SMYD3: variants seen among roughly 807,000 people sequenced by gnomAD.
SMYD3 encodes the protein histone-lysine N-methyltransferase SMYD3.
Under a neutral mutation model 57.7 loss-of-function variants are expected in SMYD3, and 36 were observed. That is an observed-to-expected ratio of 0.62 (90% confidence interval 0.48 to 0.82). The LOEUF is 0.82. SMYD3 is among the 40% of genes least tolerant of loss of function. The pLI, the probability that SMYD3 is intolerant of heterozygous loss-of-function variation, is 0.00. For missense variants in SMYD3, 515 were observed against 538.8 expected, an observed-to-expected ratio of 0.96 and a Z score of 0.44; for synonymous variants, 211 against 195.0, an observed-to-expected ratio of 1.08 and a Z score of -0.68.
At chr1:245,929,563 A>T (rs1000226847) in intron 6 of SMYD3, among the ~76,000 whole-genome samples, 1 of 152,188 alleles carries the variant, frequency 6.6e-6, no homozygotes, top group African/African-American at 2.4e-5. Context: ...CTGGGGAATA[A>T]CCAAAAATCA....
intron 5 of SMYD3, among the ~76,000 whole-genome samples, chr1:246,045,122 A>C (rs1448263870): frequency 1.3e-5 from 2 of 152,216 alleles, no homozygotes; most frequent in African/African-American, 4.8e-5. Context: ...ACAGAATTGG[A>C]AAAAACTACT....
intron 10 of SMYD3, among the ~76,000 whole-genome samples, chr1:245,768,868 A>G (rs745317954): frequency 1.3e-5 from 2 of 151,892 alleles, no homozygotes; most frequent in Non-Finnish European, 2.9e-5. Flanking sequence ...CATGACTTGA[A>G]CTTCCCAGCC....
At chr1:246,422,099 C>A (rs1344420618) in intron 1 of SMYD3, among the ~76,000 whole-genome samples, 1 of 152,046 alleles carries the variant, frequency 6.6e-6, no homozygotes, top group East Asian at 1.9e-4. Flanking sequence ...CATGGAATAC[C>A]GGAGACAGAA....
intron 10 of SMYD3, among the ~76,000 whole-genome samples, chr1:245,797,828 C>CAAAAAAAAAAAAAAAAAAAA (rs559088835): frequency 4.6e-5 from 5 of 109,434 alleles, no homozygotes; most frequent in South Asian, 3.4e-4. Flanking sequence ...TTCCGGGTTC[C>CAAAAAAAAAAAAAAAAAAAA]AAAAAAAAAA....
chr1:245,927,861 A>G, intron 7 of SMYD3, 70 bp downstream of exon 7: 1 of 1,251,012 alleles, frequency 8.0e-7, no homozygotes, highest in Non-Finnish European at 1.1e-6. Flanking sequence ...AATCAGTTTT[A>G]GGGACGGGCC....
intron 5 of SMYD3, among the ~76,000 whole-genome samples, chr1:246,238,157 G>T (rs1028091692): frequency 8.6e-5 from 13 of 151,862 alleles, no homozygotes; most frequent in African/African-American, 2.9e-4. Flanking sequence ...TCAACCTCCC[G>T]GGCTCAAGCA....
intron 8 of SMYD3, among the ~76,000 whole-genome samples, chr1:245,865,371 A>C (rs1398349887): frequency 6.6e-6 from 1 of 152,198 alleles, no homozygotes; most frequent in East Asian, 1.9e-4. Flanking sequence ...TCTGATGTTT[A>C]TTATGTGCAA....
At chr1:245,854,466 A>G (rs1439112861) in intron 10 of SMYD3, among the ~76,000 whole-genome samples, 7 of 152,196 alleles carry the variant, frequency 4.6e-5, no homozygotes, top group African/African-American at 1.7e-4. Context: ...TGGCATATCC[A>G]TGAGATGAAA....
chr1:246,507,102 G>C lies in SMYD3; in HGVS notation c.116C>G (p.Thr39Arg), dbSNP rs1258460062. The stretch of plus-strand genomic sequence containing the variant: ...GACGCCACGACTCCCCTTGCACACC[G>C]TGTACGCCAAGGGATCCGAGCGGAA... ...LLFRSDPLAY[T>R]VCKGSRGVVC... Residue 39 changes from threonine (T) to arginine (R), a missense_variant, in exon 1 of 12, where the codon ACG (threonine) becomes AGG (arginine). Thr to Arg is a moderately conservative substitution (Grantham distance 71). Coordinates refer to ENST00000490107, the MANE Select transcript of SMYD3 (RefSeq NM_001167740.2). 6.5e-7 allele frequency: 1 copy of C among 1,531,074 alleles called. No homozygotes were observed. The highest frequency in any genetic ancestry group is 1.4e-5 in the African/African-American group (1 of 70,036). The allele number at this position is 1,531,074 out of a possible 1,614,324, so 94.8% of individuals were successfully genotyped here.
At chr1:246,204,168 C>T (rs981747111) in intron 5 of SMYD3, among the ~76,000 whole-genome samples, 1 of 152,180 alleles carries the variant, frequency 6.6e-6, no homozygotes, top group Non-Finnish European at 1.5e-5. Flanking sequence ...AAACTCCCCC[C>T]AAAAACTGTA....
intron 10 of SMYD3, among the ~76,000 whole-genome samples, chr1:245,826,948 G>A (rs2049536898): frequency 6.6e-6 from 1 of 152,156 alleles, no homozygotes. Flanking sequence ...TGGGGATTAT[G>A]GGGATTATAA....
intron 5 of SMYD3, among the ~76,000 whole-genome samples, chr1:246,311,636 G>A (rs866976541): frequency 2.6e-5 from 4 of 152,064 alleles, no homozygotes; most frequent in African/African-American, 7.3e-5. Context: ...ACGCACACGC[G>A]TGACACGCAT....
At chr1:246,451,783 G>C (rs2067636672) in intron 1 of SMYD3, among the ~76,000 whole-genome samples, 1 of 152,212 alleles carries the variant, frequency 6.6e-6, no homozygotes. Context: ...TTGCTATGTA[G>C]TTAAAACTAC....
chr1:245,755,709 G>C (rs2045575955), intron 11 of SMYD3, among the ~76,000 whole-genome samples: 1 of 151,984 alleles, frequency 6.6e-6, no homozygotes, highest in African/African-American at 2.4e-5. Context: ...AGCTACTCCA[G>C]CTTTCTTTTG....
intron 5 of SMYD3, among the ~76,000 whole-genome samples, chr1:246,141,448 T>G (rs1002310698): frequency 1.6e-4 from 24 of 146,522 alleles, no homozygotes; most frequent in African/African-American, 5.6e-4. Context: ...TCAAAGGAAT[T>G]TTAATGTCTT....
At chr1:245,893,638 A>C (rs114371794) in intron 8 of SMYD3, among the ~76,000 whole-genome samples, 518 of 152,334 alleles carry the variant, frequency 3.4e-3, no homozygotes, top group African/African-American at 0.011. Flanking sequence ...TGGAAAAGGT[A>C]AAATGGTAGT....
At chr1:245,757,596 A>C (rs2045664145) in intron 11 of SMYD3, among the ~76,000 whole-genome samples, 2 of 152,096 alleles carry the variant, frequency 1.3e-5, no homozygotes, top group African/African-American at 4.8e-5. Flanking sequence ...ATTTTGAGTT[A>C]CTTTATATGG....
chr1:246,062,148 C>A (rs987043755), intron 5 of SMYD3, among the ~76,000 whole-genome samples: 1 of 150,856 alleles, frequency 6.6e-6, no homozygotes, highest in African/African-American at 2.5e-5. Context: ...CAGGAAAGAG[C>A]CTTAGTTCAT....
chr1:245,813,740 A>G (rs1021614765), intron 10 of SMYD3, among the ~76,000 whole-genome samples: 9 of 152,152 alleles, frequency 5.9e-5, no homozygotes, highest in Non-Finnish European at 1.2e-4. Flanking sequence ...CTCTGAAACC[A>G]TGAAGAAAAG....
Sources: allele counts gnomAD v4.1 joint callset (sites outside exome capture counted in the v4.1 genomes callset), GRCh38; gene constraint gnomAD v4.1.1; transcripts MANE v1.5; gene names NCBI Gene and HGNC (gene_info 2026-07-23, HGNC 2026-07-21).